Variants in HS3ST4 observed in about 807,000 individuals in gnomAD.
HS3ST4 encodes the protein heparan sulfate-glucosamine 3-sulfotransferase 4, also known as heparan sulfate glucosamine 3-O-sulfotransferase 4.
HS3ST4 carries 17 observed loss-of-function variants against 29.2 expected under a neutral mutation model. The observed-to-expected ratio is 0.58, with a 90% CI of 0.40 to 0.87. The LOEUF (loss-of-function observed/expected upper bound fraction) is 0.87, where lower values mean the gene tolerates loss of function less well. HS3ST4 is among the 40% of genes least tolerant of loss of function. The probability of loss-of-function intolerance (pLI) is 0.00; values close to 1 mark genes in which losing one functional copy is unlikely to be tolerated. For synonymous variants in HS3ST4, 314 were observed against 285.7 expected (o/e 1.10, Z -1.00); for missense variants, 627 against 634.5 (o/e 0.99, Z 0.13).
intron 1 of HS3ST4, among the ~76,000 whole-genome samples, chr16:26,034,949 C>T (rs1356001168): frequency 2.0e-5 from 3 of 152,106 alleles, no homozygotes; most frequent in Non-Finnish European, 2.9e-5. Flanking sequence ...CCCCACTGCA[C>T]TCCAGCTGAG....
chr16:25,871,491 A>G (rs1332619642), intron 1 of HS3ST4, among the ~76,000 whole-genome samples: 2 of 152,176 alleles, frequency 1.3e-5, no homozygotes, highest in Non-Finnish European at 2.9e-5. Context: ...GGATGACAGG[A>G]GCAAGGAAGG....
intron 1 of HS3ST4, among the ~76,000 whole-genome samples, chr16:26,001,059 A>G (rs1238130189): frequency 1.3e-5 from 2 of 152,118 alleles, no homozygotes; most frequent in Non-Finnish European, 2.9e-5. Context: ...ACTAGAGGGG[A>G]AAAAAAGCAA....
chr16:26,004,545 C>T (rs753845513), intron 1 of HS3ST4, among the ~76,000 whole-genome samples: 13 of 152,096 alleles, frequency 8.5e-5, no homozygotes, highest in Non-Finnish European at 1.5e-4. Flanking sequence ...ATGCTATGGA[C>T]GTTTCTAGAA....
At chr16:26,003,943 T>C (rs534954192) in intron 1 of HS3ST4, among the ~76,000 whole-genome samples, 169 of 152,272 alleles carry the variant, frequency 1.1e-3, no homozygotes, top group South Asian at 2.3e-3. Context: ...GCATTCCTCA[T>C]TTTGGTGTCC....
chr16:25,992,175 G>A (rs570506302), intron 1 of HS3ST4, among the ~76,000 whole-genome samples: 50 of 152,296 alleles, frequency 3.3e-4, no homozygotes, highest in Admixed American at 7.2e-4. Context: ...GTGGACAAAC[G>A]AGATATTTAT....
At chr16:26,119,181 C>A (rs1029514746) in intron 1 of HS3ST4, among the ~76,000 whole-genome samples, 2 of 152,186 alleles carry the variant, frequency 1.3e-5, no homozygotes, top group East Asian at 3.9e-4. Context: ...CATCCAGGCT[C>A]TTAGCCACTA....
At chr16:25,731,466 G>T (rs764983746) in intron 1 of HS3ST4, among the ~76,000 whole-genome samples, 2 of 151,984 alleles carry the variant, frequency 1.3e-5, no homozygotes, top group Admixed American at 6.6e-5. Context: ...TCAGCCTCTT[G>T]TGCAGCTTGG....
intron 1 of HS3ST4, among the ~76,000 whole-genome samples, chr16:25,828,125 T>TTCCC (rs201520959): frequency 1.5e-4 from 23 of 150,094 alleles, no homozygotes; most frequent in African/African-American, 5.2e-4. Context: ...TAAGCAGCCC[T>TTCCC]TCCCTCCCTC....
chr16:26,026,032 C>G (rs1969468386), intron 1 of HS3ST4, among the ~76,000 whole-genome samples: 2 of 152,132 alleles, frequency 1.3e-5, no homozygotes. Context: ...CTTCAGCCTC[C>G]TAAGTAGCTG....
At chr16:25,875,508 A>G (rs1051908844) in intron 1 of HS3ST4, among the ~76,000 whole-genome samples, 2 of 152,154 alleles carry the variant, frequency 1.3e-5, no homozygotes, top group South Asian at 4.1e-4. Flanking sequence ...ATGAATTTCT[A>G]GCAATCCCTG....
intron 1 of HS3ST4, among the ~76,000 whole-genome samples, chr16:25,943,814 T>A (rs1968598126): frequency 6.6e-6 from 1 of 152,118 alleles, no homozygotes; most frequent in South Asian, 2.1e-4. Flanking sequence ...GTGGTGAGAT[T>A]TAAGAACTAT....
chr16:25,721,993 G>A (rs551748520), intron 1 of HS3ST4, among the ~76,000 whole-genome samples: 1 of 152,276 alleles, frequency 6.6e-6, no homozygotes, highest in South Asian at 2.1e-4. Flanking sequence ...ACTGTGACTG[G>A]ATTTCTCTAG....
intron 1 of HS3ST4, among the ~76,000 whole-genome samples, chr16:25,914,067 AGT>A (rs973552924): frequency 5.3e-5 from 7 of 132,812 alleles, no homozygotes; most frequent in Non-Finnish European, 1.6e-5. Context: ...GTGTGCACGG[AGT>A]GTGTGTGTGG....
At chr16:25,997,750 C>A (rs543020271) in intron 1 of HS3ST4, among the ~76,000 whole-genome samples, 4 of 152,252 alleles carry the variant, frequency 2.6e-5, no homozygotes, top group African/African-American at 9.6e-5. Flanking sequence ...TGTGATTGGA[C>A]CTTCCTGGAT....
chr16:25,834,080 A>G (rs1022493801), intron 1 of HS3ST4, among the ~76,000 whole-genome samples: 3 of 152,222 alleles, frequency 2.0e-5, no homozygotes, highest in African/African-American at 7.2e-5. Context: ...ATGGGAACAC[A>G]TAACATTGTC....
intron 1 of HS3ST4, among the ~76,000 whole-genome samples, chr16:25,914,333 T>C (rs1968270794): frequency 6.7e-6 from 1 of 150,124 alleles, no homozygotes; most frequent in African/African-American, 2.5e-5. Flanking sequence ...ATATGTGGTG[T>C]GATGTATGTA....
intron 1 of HS3ST4, among the ~76,000 whole-genome samples, chr16:26,009,125 C>T (rs941781615): frequency 6.6e-6 from 1 of 152,128 alleles, no homozygotes; most frequent in African/African-American, 2.4e-5. Context: ...TTCCCCAAAC[C>T]CTTTGCTTAA....
At chr16:25,774,349 T>C (rs901528090) in intron 1 of HS3ST4, among the ~76,000 whole-genome samples, 4 of 152,238 alleles carry the variant, frequency 2.6e-5, no homozygotes, top group Non-Finnish European at 4.4e-5. Context: ...ACATTACTAT[T>C]CTTTTCATTT....
chr16:25,717,510 G>GGTGTGT lies in HS3ST4; in HGVS notation c.734+24398_734+24403dup, dbSNP rs763190199. Among the ~76,000 whole-genome samples, 1,069 of 132,894 alleles carry GGTGTGT rather than the reference G, an allele frequency of 8.0e-3. 5 individuals are homozygous for GGTGTGT. The highest frequency in any genetic ancestry group is 0.013 in the East Asian group (56 of 4,316). The allele number at this position is 132,894 out of a possible 152,430, so 87.2% of individuals were successfully genotyped here. ...CTGAAGGATGAGTAGAAGGTGAAGG[G>GGTGTGT]GTGTGTGTGTGTGTGTGTGTGTGTG... On this transcript the variant is annotated intron_variant, in intron 1 of 1. Transcript: ENST00000331351.
Sources: allele counts gnomAD v4.1 joint callset (sites outside exome capture counted in the v4.1 genomes callset), GRCh38; gene constraint gnomAD v4.1.1; transcripts MANE v1.5; gene names NCBI Gene and HGNC (gene_info 2026-07-23, HGNC 2026-07-21).